STS: variants seen among roughly 807,000 people sequenced by gnomAD.
STS encodes steroid sulfatase, also known as steryl-sulfatase.
STS carries 7 observed loss-of-function variants against 26.8 expected under a neutral mutation model. The ratio of observed to expected loss-of-function variants is 0.26; its 90% CI spans 0.15 to 0.49. The LOEUF (loss-of-function observed/expected upper bound fraction) is 0.49. STS is among the 20% of genes least tolerant of loss of function. STS has a pLI of 0.98. For synonymous variants in STS, 199 were observed against 189.4 expected (o/e 1.05, Z -0.42); for missense variants, 434 against 465.6 (o/e 0.93, Z 0.63).
chrX:7,202,435 A>C (rs1353511085), intron 2 of STS, among the ~76,000 whole-genome samples: 2 of 111,626 alleles, frequency 1.8e-5, no homozygotes, highest in African/African-American at 6.5e-5. Flanking sequence ...CATGGTATTT[A>C]AGTGATGGGA....
At position 7,317,934 on chromosome X, in the gene STS, T is replaced by C. The variant is rs997985108; in HGVS notation, c.1082-7405T>C. ...GAGTTTCTGTAGGGCGTAATCTCCA[T>C]TGTATATCTTTGTGTCCCATTTGGG... On this transcript the variant is annotated intron_variant, in intron 8 of 10. Transcript: ENST00000674429. 2.7e-5 allele frequency among the ~76,000 whole-genome samples: 3 copies of C among 112,011 alleles called. No homozygotes were observed. In the Admixed American group the frequency reaches 2.9e-4, roughly 11 times the overall value.
At chrX:7,252,870 A>C in intron 2 of STS, among the ~76,000 whole-genome samples, 1 of 111,859 alleles carries the variant, frequency 8.9e-6, no homozygotes, top group Non-Finnish European at 1.9e-5. Flanking sequence ...CTACTAAACC[A>C]GGACAGGCAC....
intron 2 of STS, among the ~76,000 whole-genome samples, chrX:7,226,622 G>A (rs769009332): frequency 9.5e-4 from 106 of 111,665 alleles, no homozygotes; most frequent in African/African-American, 3.3e-3. Flanking sequence ...GGCCAGGAAC[G>A]GTGGCTCATG....
chrX:7,342,440 T>C (rs771873902), intron 10 of STS, among the ~76,000 whole-genome samples: 2 of 112,397 alleles, frequency 1.8e-5, no homozygotes, highest in South Asian at 7.4e-4. Context: ...TATATATTTC[T>C]GTCCCTTAAT....
chrX:7,218,892 G>A (rs765322002), intron 2 of STS, among the ~76,000 whole-genome samples: 43 of 110,870 alleles, frequency 3.9e-4, no homozygotes, highest in Non-Finnish European at 6.6e-4. Flanking sequence ...CACTTAGGCT[G>A]GAACAGCATA....
At chrX:7,324,419 C>T (rs1170162577) in intron 8 of STS, among the ~76,000 whole-genome samples, 1 of 111,252 alleles carries the variant, frequency 9.0e-6, no homozygotes, top group African/African-American at 3.3e-5. Context: ...AGTTCTCTCC[C>T]GGATCAGGGA....
intron 8 of STS, among the ~76,000 whole-genome samples, chrX:7,311,245 G>A (rs1222342150): frequency 3.6e-5 from 4 of 109,978 alleles, no homozygotes; most frequent in East Asian, 2.9e-4. Context: ...CTCACACTCC[G>A]TTCTCTACCC....
At chrX:7,161,060 A>G (rs1206309545) in intron 1 of STS, among the ~76,000 whole-genome samples, 2 of 111,089 alleles carry the variant, frequency 1.8e-5, no homozygotes, top group African/African-American at 6.5e-5. Flanking sequence ...GGTTCCAGCA[A>G]TTCTTCTGCC....
intron 2 of STS, among the ~76,000 whole-genome samples, chrX:7,248,098 A>G: frequency 8.9e-6 from 1 of 112,122 alleles, no homozygotes; most frequent in East Asian, 2.8e-4. Flanking sequence ...TCAAAATGTT[A>G]TTGATTTTCT....
At chrX:7,229,348 G>T (rs993070568) in intron 2 of STS, among the ~76,000 whole-genome samples, 4 of 111,649 alleles carry the variant, frequency 3.6e-5, no homozygotes, top group African/African-American at 1.3e-4. Flanking sequence ...CTTTAGCAGA[G>T]CTTAGGATCT....
chrX:7,324,332 C>G (rs1601745858), intron 8 of STS, among the ~76,000 whole-genome samples: 2 of 110,454 alleles, frequency 1.8e-5, no homozygotes, highest in Admixed American at 9.7e-5. Context: ...CAGATGAAAC[C>G]TCCACGTAGC....
chrX:7,309,189 C>T (rs1427954205), intron 8 of STS, among the ~76,000 whole-genome samples: 3 of 111,301 alleles, frequency 2.7e-5, no homozygotes, highest in African/African-American at 9.8e-5. Flanking sequence ...GGTATATATA[C>T]ACCATGGAAT....
chrX:7,293,461 C>G (rs1486074579), intron 7 of STS, among the ~76,000 whole-genome samples: 2 of 111,767 alleles, frequency 1.8e-5, no homozygotes, highest in Non-Finnish European at 3.8e-5. Flanking sequence ...CTTTTTGTGA[C>G]CCATTTGCCC....
At chrX:7,349,250 C>T (rs1480928206) in intron 10 of STS, among the ~76,000 whole-genome samples, 22 of 99,487 alleles carry the variant, frequency 2.2e-4, no homozygotes, top group Non-Finnish European at 3.0e-4. Flanking sequence ...GTGATTCTTC[C>T]ACCTCGGCCT....
chrX:7,284,401 G>C (rs1236489192), intron 7 of STS, among the ~76,000 whole-genome samples: 1 of 111,655 alleles, frequency 9.0e-6, no homozygotes, highest in African/African-American at 3.3e-5. Context: ...GCTAACTGCT[G>C]AGACTATACA....
intron 10 of STS, among the ~76,000 whole-genome samples, chrX:7,349,583 T>C (rs1273149955): frequency 2.7e-5 from 3 of 109,431 alleles, no homozygotes; most frequent in Non-Finnish European, 5.7e-5. Context: ...GTGGTCTATC[T>C]GTCTCGGCCT....
chrX:7,150,546 AAAGGCCCC>A (rs1362217810), intron 1 of STS, among the ~76,000 whole-genome samples: 2 of 112,251 alleles, frequency 1.8e-5, no homozygotes, highest in Non-Finnish European at 3.8e-5. Context: ...TCAAAGGAAA[AAAGGCCCC>A]AATGCCATTT....
intron 2 of STS, among the ~76,000 whole-genome samples, chrX:7,203,915 G>A (rs1781266031): frequency 9.0e-6 from 1 of 111,090 alleles, no homozygotes; most frequent in African/African-American, 3.3e-5. Context: ...TTCCCAAGTA[G>A]GTGGGACTAC....
intron 2 of STS, among the ~76,000 whole-genome samples, chrX:7,237,315 T>TTTG (rs748445677): frequency 5.5e-5 from 6 of 109,700 alleles, no homozygotes; most frequent in Non-Finnish European, 7.6e-5. Context: ...ACACACACTT[T>TTTG]TTGTTGTTGT....
Sources: gnomAD v4.1 joint callset for allele counts (sites outside exome capture counted in the v4.1 genomes callset) on GRCh38, gnomAD v4.1.1 for gene constraint, MANE v1.5 for transcripts, NCBI Gene and HGNC (gene_info 2026-07-23, HGNC 2026-07-21) for gene names.